The following PTPRO variants were observed in gnomAD, a reference collection of about 807,000 sequenced individuals.
PTPRO encodes the protein protein tyrosine phosphatase receptor type O.
In PTPRO, 62 loss-of-function variants were observed where a neutral mutation model predicts 145.2. That is an observed-to-expected ratio of 0.43 (90% confidence interval 0.35 to 0.53). The LOEUF is 0.53. PTPRO is among the 20% of genes least tolerant of loss of function. The pLI, the probability that PTPRO is intolerant of heterozygous loss-of-function variation, is 0.01. For synonymous variants in PTPRO, 565 were observed against 514.7 expected (o/e 1.10, Z -1.32); for missense variants, 1,345 against 1,482.7 (o/e 0.91, Z 1.53).
intron 1 of PTPRO, among the ~76,000 whole-genome samples, chr12:15,437,433 C>T (rs1940629333): frequency 6.6e-6 from 1 of 150,852 alleles, no homozygotes. Context: ...GATCTTGGTG[C>T]AAGGAATCCC....
At chr12:15,533,366 T>A (rs926278536) in intron 12 of PTPRO, among the ~76,000 whole-genome samples, 8 of 152,198 alleles carry the variant, frequency 5.3e-5, no homozygotes, top group Non-Finnish European at 8.8e-5. Context: ...CTTTTTATGA[T>A]GTGCCTTTCT....
intron 1 of PTPRO, among the ~76,000 whole-genome samples, chr12:15,391,071 C>G (rs1038873291): frequency 3.3e-5 from 5 of 152,166 alleles, no homozygotes; most frequent in Non-Finnish European, 5.9e-5. Flanking sequence ...ATGACCTTAT[C>G]TAAAGTACCT....
At chr12:15,398,159 G>A (rs1177687930) in intron 1 of PTPRO, among the ~76,000 whole-genome samples, 2 of 152,132 alleles carry the variant, frequency 1.3e-5, no homozygotes, top group Admixed American at 6.6e-5. Flanking sequence ...AAGTGAATGG[G>A]AGCCACTTCA....
chr12:15,538,436 G>T (rs1565693254), intron 12 of PTPRO, among the ~76,000 whole-genome samples: 1 of 152,234 alleles, frequency 6.6e-6, no homozygotes, highest in East Asian at 1.9e-4. Context: ...TTTTGGTCAG[G>T]CTGGTCCCGA....
At chr12:15,335,627 A>G (rs61020421) in intron 1 of PTPRO, among the ~76,000 whole-genome samples, 1,959 of 152,256 alleles carry the variant, frequency 0.013, 40 homozygotes, top group African/African-American at 0.043. Flanking sequence ...TAAAATAATC[A>G]CAAGGACTTA....
chr12:15,451,351 G>T (rs1011999664), intron 1 of PTPRO, among the ~76,000 whole-genome samples: 7 of 151,806 alleles, frequency 4.6e-5, no homozygotes, highest in Admixed American at 4.6e-4. Flanking sequence ...TAAAACAATT[G>T]CTACTAGACC....
chr12:15,551,749 A>G, intron 15 of PTPRO, 78 bp downstream of exon 15: 1 of 1,498,576 alleles, frequency 6.7e-7, no homozygotes, highest in South Asian at 1.1e-5. Flanking sequence ...GTTTTTGCAC[A>G]CCTAAGTTGT....
At chr12:15,403,669 A>G (rs1305810046) in intron 1 of PTPRO, among the ~76,000 whole-genome samples, 1 of 152,142 alleles carries the variant, frequency 6.6e-6, no homozygotes, top group Non-Finnish European at 1.5e-5. Context: ...TGGCTTCCCT[A>G]TTTAAAGGGA....
chr12:15,338,454 A>G (rs566747745), intron 1 of PTPRO, among the ~76,000 whole-genome samples: 1 of 152,300 alleles, frequency 6.6e-6, no homozygotes, highest in South Asian at 2.1e-4. Flanking sequence ...AAAGACCTCA[A>G]TAAAACACCA....
chr12:15,461,197 T>G (rs1306952625), intron 1 of PTPRO, among the ~76,000 whole-genome samples: 1 of 152,204 alleles, frequency 6.6e-6, no homozygotes, highest in East Asian at 1.9e-4. Context: ...CCCAGACATT[T>G]CTTTCTATTG....
intron 19 of PTPRO, among the ~76,000 whole-genome samples, chr12:15,569,745 G>A (rs181695468): frequency 4.9e-4 from 75 of 152,270 alleles, no homozygotes; most frequent in Non-Finnish European, 8.5e-4. Context: ...AGCAAACATG[G>A]GTATAGTAGA....
chr12:15,502,593 C>G (rs1002777337), intron 5 of PTPRO, among the ~76,000 whole-genome samples: 1 of 152,136 alleles, frequency 6.6e-6, no homozygotes, highest in African/African-American at 2.4e-5. Context: ...CAAAGAGAAG[C>G]TGATAGTAAA....
At chr12:15,499,355 T>A in intron 3 of PTPRO, 87 bp from the exon 4 acceptor site, 1 of 1,300,118 alleles carries the variant, frequency 7.7e-7, no homozygotes. Flanking sequence ...ATTTTGTGAA[T>A]GTTTAGCCAT....
intron 1 of PTPRO, among the ~76,000 whole-genome samples, chr12:15,415,632 A>G (rs768841778): frequency 7.0e-4 from 106 of 151,644 alleles, no homozygotes; most frequent in Admixed American, 1.9e-3. Flanking sequence ...TGATCCGCCC[A>G]CCCTGGCCTC....
At chr12:15,492,079 A>G (rs76196093) in intron 2 of PTPRO, among the ~76,000 whole-genome samples, 2,489 of 152,340 alleles carry the variant, frequency 0.016, 91 homozygotes, top group African/African-American at 0.057. Flanking sequence ...TAACCACTAT[A>G]TCATCCACAA....
At chr12:15,573,346 C>T (rs1043485666) in intron 19 of PTPRO, among the ~76,000 whole-genome samples, 7 of 152,304 alleles carry the variant, frequency 4.6e-5, no homozygotes, top group East Asian at 1.9e-4. Flanking sequence ...CTTCCTCAAA[C>T]TCTACTTACG....
intron 18 of PTPRO, among the ~76,000 whole-genome samples, chr12:15,567,361 T>C (rs1034760686): frequency 1.3e-5 from 2 of 152,046 alleles, no homozygotes; most frequent in African/African-American, 2.4e-5. Context: ...CTTCATTCCA[T>C]CCTTCCTTTC....
chr12:15,432,590 C>T (rs144271858), intron 1 of PTPRO, among the ~76,000 whole-genome samples: 1 of 152,288 alleles, frequency 6.6e-6, no homozygotes, highest in Non-Finnish European at 1.5e-5. Context: ...GTGTCTTCCA[C>T]AATGATTGAA....
chr12:15,501,088 T>C (rs1278507068), intron 4 of PTPRO, among the ~76,000 whole-genome samples: 1 of 152,218 alleles, frequency 6.6e-6, no homozygotes, highest in Non-Finnish European at 1.5e-5. Context: ...TGAGTTTATA[T>C]GTTTCATTTT....
Sources: gnomAD v4.1 joint callset for allele counts (sites outside exome capture counted in the v4.1 genomes callset) on GRCh38, gnomAD v4.1.1 for gene constraint, MANE v1.5 for transcripts, NCBI Gene and HGNC (gene_info 2026-07-23, HGNC 2026-07-21) for gene names.